The following BCR variants were observed in gnomAD, a reference collection of about 807,000 sequenced individuals.
BCR encodes breakpoint cluster region protein.
BCR carries 58 observed loss-of-function variants against 138.6 expected under a neutral mutation model. The observed-to-expected ratio is 0.42, with a 90% CI of 0.34 to 0.52. The LOEUF (loss-of-function observed/expected upper bound fraction) is 0.52. Ranked by LOEUF, BCR falls within the 20% of genes least tolerant of loss-of-function variation. The pLI, the probability that BCR is intolerant of heterozygous loss-of-function variation, is 0.06. For missense variants in BCR, 1,599 were observed against 1,727.2 expected (o/e 0.93, Z 1.32); for synonymous variants, 786 against 730.1 (o/e 1.08, Z -1.23).
intron 1 of BCR, among the ~76,000 whole-genome samples, chr22:23,244,336 C>T (rs911200723): frequency 1.3e-5 from 2 of 152,136 alleles, no homozygotes; most frequent in Non-Finnish European, 2.9e-5. Flanking sequence ...CAGGTAAGGT[C>T]GCATTCGCAG....
rs116891220 is a variant in BCR, at chr22:23,261,085, G to A, written c.1566+31G>A. Reference sequence around the variant, plus strand: ...GAGGATTTAGGGAGCTGAGCAGGGCGGGATGGGGCAGGGTGACAGGGTTGG... The same window carrying A: ...GAGGATTTAGGGAGCTGAGCAGGGCAGGATGGGGCAGGGTGACAGGGTTGG... On this transcript the variant is annotated intron_variant, in intron 3 of 22. Transcript: ENST00000305877. 342 of 1,598,250 alleles carry A rather than the reference G, an allele frequency of 2.1e-4. 4 individuals are homozygous for A. In the East Asian group the frequency reaches 3.5e-3, roughly 17 times the overall value.
intron 5 of BCR, among the ~76,000 whole-genome samples, chr22:23,270,059 T>C (rs189075851): frequency 2.4e-4 from 37 of 152,084 alleles, no homozygotes; most frequent in African/African-American, 8.9e-4. Flanking sequence ...TTTGGTTCTC[T>C]GTGTTTCAAA....
At chr22:23,188,796 A>G (rs182796781) in intron 1 of BCR, among the ~76,000 whole-genome samples, 9 of 151,794 alleles carry the variant, frequency 5.9e-5, no homozygotes, top group Non-Finnish European at 8.8e-5. Context: ...AAGTGTAGTT[A>G]TTTTAATTAA....
intron 5 of BCR, among the ~76,000 whole-genome samples, chr22:23,269,280 G>C (rs2073482098): frequency 6.6e-6 from 1 of 152,196 alleles, no homozygotes; most frequent in Non-Finnish European, 1.5e-5. Context: ...TGGTCACTCT[G>C]CGACATTTTC....
chr22:23,215,124 T>C (rs773784991), intron 1 of BCR, among the ~76,000 whole-genome samples: 4 of 152,248 alleles, frequency 2.6e-5, no homozygotes, highest in Non-Finnish European at 4.4e-5. Context: ...CTTAACATAA[T>C]GTCCTCAAGT....
intron 21 of BCR, 150 bp downstream of exon 21, chr22:23,314,223 C>T (rs1288053491): frequency 1.6e-5 from 11 of 681,824 alleles, no homozygotes; most frequent in East Asian, 8.1e-5. Context: ...GTGCCACTGC[C>T]ACCCCTGCCC....
chr22:23,218,463 C>T (rs2072782480), intron 1 of BCR, among the ~76,000 whole-genome samples: 1 of 152,236 alleles, frequency 6.6e-6, no homozygotes, highest in Non-Finnish European at 1.5e-5. Context: ...ACTAGTTGTC[C>T]CTGCTCAGCC....
In BCR at chr22:23,182,033, C is replaced by T. The variant is rs1260777983; in HGVS notation, c.1073C>T (p.Thr358Ile). 3.1e-6 allele frequency: 5 copies of T among 1,613,596 alleles called. No homozygotes were observed. Among genetic ancestry groups the T allele is most frequent in the East Asian group, 2.2e-5 (1 of 44,876 alleles). Reference protein sequence around the residue: ...GQSSRVSPSPTTYRMFRDKSR... With the variant: ...GQSSRVSPSPITYRMFRDKSR... ...TCCAGCCGCGTGTCCCCAAGCCCCA[C>T]CACCTACCGCATGTTCCGGGACAAA... Residue 358 changes from threonine to isoleucine, a missense_variant, in exon 1 of 23, where the codon ACC becomes ATC. Physicochemically the swap from Thr to Ile is moderately conservative, Grantham distance 89. Coordinates refer to ENST00000305877, the MANE Select transcript of BCR (RefSeq NM_004327.4).
chr22:23,191,372 T>C (rs932563182), intron 1 of BCR, among the ~76,000 whole-genome samples: 6 of 152,260 alleles, frequency 3.9e-5, no homozygotes, highest in African/African-American at 1.4e-4. Flanking sequence ...ACTTTGTGCC[T>C]GGCACTATCT....
At chr22:23,185,482 G>C (rs1356900384) in intron 1 of BCR, among the ~76,000 whole-genome samples, 2 of 151,932 alleles carry the variant, frequency 1.3e-5, no homozygotes, top group Non-Finnish European at 2.9e-5. Context: ...TGGCTAACAC[G>C]GTGAAACCCC....
intron 8 of BCR, among the ~76,000 whole-genome samples, chr22:23,278,772 C>T (rs2073608527): frequency 6.6e-6 from 1 of 152,118 alleles, no homozygotes; most frequent in Non-Finnish European, 1.5e-5. Flanking sequence ...GAAGCCAGAC[C>T]CTGTTGGCAA....
At chr22:23,246,738 G>A (rs2073161632) in intron 1 of BCR, among the ~76,000 whole-genome samples, 2 of 152,164 alleles carry the variant, frequency 1.3e-5, no homozygotes, top group African/African-American at 4.8e-5. Flanking sequence ...TATGTGACCT[G>A]GAGGAAGTAC....
chr22:23,285,413 A>G (rs938973233), intron 10 of BCR, among the ~76,000 whole-genome samples: 4 of 152,222 alleles, frequency 2.6e-5, no homozygotes, highest in African/African-American at 9.7e-5. Context: ...GGGGAGCACC[A>G]TACCAGAGCG....
chr22:23,286,133 C>CT (rs2073709000), intron 10 of BCR, among the ~76,000 whole-genome samples: 1 of 152,234 alleles, frequency 6.6e-6, no homozygotes, highest in Admixed American at 6.5e-5. Flanking sequence ...GGGGGAGGTG[C>CT]TGGCTGTCCC....
intron 2 of BCR, among the ~76,000 whole-genome samples, chr22:23,255,689 C>A (rs969859970): frequency 4.6e-5 from 7 of 152,198 alleles, no homozygotes; most frequent in Non-Finnish European, 7.4e-5. Flanking sequence ...GGGCCTCCCA[C>A]CCACACCTGG....
chr22:23,268,568 C>T (rs2073472686), intron 5 of BCR, 53 bp downstream of exon 5: 1 of 1,418,766 alleles, frequency 7.0e-7, no homozygotes, highest in African/African-American at 1.4e-5. Context: ...CACCTGTACC[C>T]TCCACCTCCC....
At chr22:23,221,158 A>T (rs2092827230) in intron 1 of BCR, among the ~76,000 whole-genome samples, 1 of 152,226 alleles carries the variant, frequency 6.6e-6, no homozygotes, top group African/African-American at 2.4e-5. Flanking sequence ...AGTAATTCAT[A>T]TCCACTATTT....
At chr22:23,246,893 C>G (rs1465187338) in intron 1 of BCR, among the ~76,000 whole-genome samples, 1 of 151,644 alleles carries the variant, frequency 6.6e-6, no homozygotes, top group Non-Finnish European at 1.5e-5. Flanking sequence ...CTTCGGAGCC[C>G]CCAAGATCCA....
At chr22:23,284,655 C>T (rs527559886) in intron 9 of BCR, among the ~76,000 whole-genome samples, 9 of 152,266 alleles carry the variant, frequency 5.9e-5, no homozygotes, top group Admixed American at 2.0e-4. Flanking sequence ...ATCTGTCAGG[C>T]GAGGGGATGA....
Sources: allele counts gnomAD v4.1 joint callset (sites outside exome capture counted in the v4.1 genomes callset), GRCh38; gene constraint gnomAD v4.1.1; transcripts MANE v1.5; gene names NCBI Gene and HGNC (gene_info 2026-07-23, HGNC 2026-07-21).